SLC22A14: variants seen among roughly 807,000 people sequenced by gnomAD.
The protein encoded by SLC22A14 is organic cation transporter-like 4.
In SLC22A14, 50 loss-of-function variants were observed where a neutral mutation model predicts 53.9. The ratio of observed to expected loss-of-function variants is 0.93; its 90% confidence interval spans 0.74 to 1.17. The LOEUF (loss-of-function observed/expected upper bound fraction) is 1.17, where lower values mean the gene tolerates loss of function less well. SLC22A14 is among the 50% of genes most tolerant of loss of function. The probability of loss-of-function intolerance (pLI) is 0.00; values close to 1 mark genes in which losing one functional copy is unlikely to be tolerated. For synonymous variants in SLC22A14, 312 were observed against 303.0 expected, an observed-to-expected ratio of 1.03 and a Z score of -0.31; for missense variants, 671 against 734.7, an observed-to-expected ratio of 0.91 and a Z score of 1.00.
At chr3:38,306,666 G>T in intron 2 of SLC22A14, 124 bp downstream of exon 2, 2 of 925,694 alleles carry the variant, frequency 2.2e-6, no homozygotes, top group Non-Finnish European at 3.3e-6. Context: ...AGGTCAACCT[G>T]CAGAGGCAGG....
At chr3:38,282,258 C>A, upstream of SLC22A14, 1 of 152,924 alleles carries the variant, frequency 6.5e-6, no homozygotes, top group Non-Finnish European at 1.5e-5. Flanking sequence ...CTCCCCACCC[C>A]ATTGTGACAC....
upstream of SLC22A14, among the ~76,000 whole-genome samples, chr3:38,279,489 G>A (rs1202926647): frequency 6.6e-6 from 1 of 152,164 alleles, no homozygotes; most frequent in Admixed American, 6.5e-5. Flanking sequence ...TGCCAAGTTG[G>A]CCAGGCTGGT....
intron 1 of SLC22A14, among the ~76,000 whole-genome samples, chr3:38,285,641 T>G (rs1183709170): frequency 6.6e-6 from 1 of 152,228 alleles, no homozygotes; most frequent in Non-Finnish European, 1.5e-5. Flanking sequence ...TCATTTTCAT[T>G]GCTATATTGT....
chr3:38,298,602 C>T (rs754286927), intron 1 of SLC22A14, among the ~76,000 whole-genome samples: 2 of 152,050 alleles, frequency 1.3e-5, no homozygotes, highest in Non-Finnish European at 2.9e-5. Context: ...CTTGCTCTGT[C>T]ACCCAGGCAG....
chr3:38,304,686 A>T (rs1704255954), intron 1 of SLC22A14, among the ~76,000 whole-genome samples: 1 of 152,146 alleles, frequency 6.6e-6, no homozygotes, highest in Admixed American at 6.5e-5. Context: ...TTCATTAGTC[A>T]GTGGCCTGCC....
At chr3:38,315,512 G>A (rs1432756331) in intron 8 of SLC22A14, 46 bp from the exon 9 acceptor site, 9 of 1,579,272 alleles carry the variant, frequency 5.7e-6, no homozygotes, top group Non-Finnish European at 7.8e-6. Flanking sequence ...CCTTCTGGGA[G>A]GGGTCAAGGG....
rs1397823274 is a variant in SLC22A14 at position 38,307,715 on chromosome 3, C to A, written c.770C>A (p.Ser257Tyr). Residue 257 changes from serine (S) to tyrosine (Y), a missense_variant, in exon 4 of 11, where the codon TCT (serine) becomes TAT (tyrosine). Physicochemically the swap from Ser to Tyr is moderately radical, Grantham distance 144. Transcript: ENST00000448498. This position sits in a 1 kb window ranked among gnomAD's most constrained non-coding sequence, Gnocchi z 4.4. ...SVVGYAISSI[S>Y]LATEWLVGEH... Reference sequence around the variant, plus strand: ...GTGGGCTACGCCATCAGCAGCATTTCTTTGGGTGAGACTGGGCCTCAATGG... The same window carrying A: ...GTGGGCTACGCCATCAGCAGCATTTATTTGGGTGAGACTGGGCCTCAATGG... 1.9e-6 allele frequency: 3 copies of A among 1,614,028 alleles called. No individual in the cohort carries two copies.
rs747061080 is a variant in SLC22A14 at position 38,302,803 on chromosome 3, T to C, written c.1-3224T>C. ...TCCTTTTTGTACTGTAATTTTCTAG[T>C]TGTGCTATCAAAGTTAAAATTCTTT... On this transcript the variant is annotated intron_variant, in intron 1 of 10. Coordinates refer to ENST00000448498, the MANE Select transcript of SLC22A14 (RefSeq NM_001320033.2). 1.1e-3 allele frequency among the ~76,000 whole-genome samples: 170 copies of C among 152,218 alleles called. 3 individuals carry two copies. Among genetic ancestry groups the C allele is most frequent in the Non-Finnish European group, 2.2e-4 (15 of 68,034 alleles).
chr3:38,311,775 C>T (rs1308856071), intron 5 of SLC22A14, among the ~76,000 whole-genome samples: 2 of 152,232 alleles, frequency 1.3e-5, no homozygotes, highest in Non-Finnish European at 2.9e-5. Flanking sequence ...GAGACCTCAT[C>T]AGAATGTCTT....
chr3:38,315,190 T>TCCC, intron 8 of SLC22A14, among the ~76,000 whole-genome samples: 1 of 152,000 alleles, frequency 6.6e-6, no homozygotes, highest in African/African-American at 2.4e-5. Context: ...TGAGCAGGGG[T>TCCC]CCCAACCCAC....
chr3:38,299,475 CA>C (rs1704113302), intron 1 of SLC22A14, among the ~76,000 whole-genome samples: 1 of 152,236 alleles, frequency 6.6e-6, no homozygotes. Context: ...GATACTCGAG[CA>C]TTTTGCTTTC....
chr3:38,296,430 G>A (rs923246802), intron 1 of SLC22A14, among the ~76,000 whole-genome samples: 2 of 149,612 alleles, frequency 1.3e-5, no homozygotes, highest in African/African-American at 2.5e-5. Flanking sequence ...ATTTTTAACC[G>A]GCTGACAGGT....
At chr3:38,295,647 G>T (rs1027618554) in intron 1 of SLC22A14, among the ~76,000 whole-genome samples, 2 of 151,872 alleles carry the variant, frequency 1.3e-5, no homozygotes, top group African/African-American at 2.4e-5. Flanking sequence ...GGCACACTGG[G>T]TTTTTTTAAT....
At chr3:38,279,782 TGG>T (rs1186494260), upstream of SLC22A14, among the ~76,000 whole-genome samples, 1 of 152,102 alleles carries the variant, frequency 6.6e-6, no homozygotes, top group Non-Finnish European at 1.5e-5. Context: ...CACTGGACCC[TGG>T]TTGTGTATCT....
intron 7 of SLC22A14, 101 bp from the exon 8 acceptor site, chr3:38,313,626 C>T: frequency 6.5e-6 from 6 of 925,240 alleles, no homozygotes; most frequent in Non-Finnish European, 1.0e-5. Flanking sequence ...TTTCTCTCCT[C>T]CGTTCCTACC....
chr3:38,279,570 C>T (rs1004316484), upstream of SLC22A14, among the ~76,000 whole-genome samples: 3 of 152,168 alleles, frequency 2.0e-5, no homozygotes, highest in Non-Finnish European at 4.4e-5. Flanking sequence ...CATGAGCCAC[C>T]ATGCCTGGTC....
chr3:38,297,237 C>T (rs939651214), intron 1 of SLC22A14, among the ~76,000 whole-genome samples: 1 of 152,092 alleles, frequency 6.6e-6, no homozygotes, highest in African/African-American at 2.4e-5. Flanking sequence ...AGTTGCAAGC[C>T]CCGTGTTTAA....
chr3:38,305,598 CT>C (rs1704279324), intron 1 of SLC22A14: 1 of 175,160 alleles, frequency 5.7e-6, no homozygotes, highest in Non-Finnish European at 1.2e-5. Flanking sequence ...AGCCTCCCAC[CT>C]TGGGCCCACC....
intron 1 of SLC22A14, among the ~76,000 whole-genome samples, chr3:38,286,518 C>T (rs1703796353): frequency 6.7e-6 from 1 of 149,808 alleles, no homozygotes; most frequent in Non-Finnish European, 1.5e-5. Flanking sequence ...TCAAGCAGTT[C>T]TCCTGCCTCG....
Sources: allele counts gnomAD v4.1 joint callset (sites outside exome capture counted in the v4.1 genomes callset), GRCh38; gene constraint gnomAD v4.1.1; non-coding constraint Gnocchi (gnomAD v3.1); transcripts MANE v1.5; gene names NCBI Gene and HGNC (gene_info 2026-07-23, HGNC 2026-07-21).